The following PCGF3 variants were observed in gnomAD, a reference collection of about 807,000 sequenced individuals.
The protein encoded by PCGF3 is polycomb group RING finger protein 3.
In PCGF3, 7 loss-of-function variants were observed where a neutral mutation model predicts 33.1. The ratio of observed to expected loss-of-function variants is 0.21; its 90% CI spans 0.12 to 0.40. The LOEUF is 0.40. PCGF3 is among the 10% of genes least tolerant of loss of function. The pLI is 1.00. For synonymous variants in PCGF3, 153 were observed against 121.3 expected (o/e 1.26, Z -1.72); for missense variants, 211 against 313.3 (o/e 0.67, Z 2.46).
intron 1 of PCGF3, among the ~76,000 whole-genome samples, chr4:725,717 C>T (rs1743304272): frequency 6.6e-6 from 1 of 151,598 alleles, no homozygotes; most frequent in South Asian, 2.1e-4. Context: ...GCTGTGGGCT[C>T]TGTGCTGTGG....
At chr4:734,306 G>C (rs1743743106) in intron 4 of PCGF3, 1 of 1,446,244 alleles carries the variant, frequency 6.9e-7, no homozygotes, top group Admixed American at 2.8e-5. Flanking sequence ...ATGCTAACCT[G>C]AGGCCCCATG....
chr4:757,696 C>T (rs1744828693), intron 8 of PCGF3: 1 of 152,162 alleles, frequency 6.6e-6, no homozygotes, highest in Admixed American at 6.5e-5. Context: ...TTGGTTCCTG[C>T]TTTATTTTTT....
intron 1 of PCGF3, among the ~76,000 whole-genome samples, chr4:708,489 C>T (rs1045967624): frequency 2.0e-5 from 3 of 152,196 alleles, no homozygotes; most frequent in Admixed American, 6.5e-5. Flanking sequence ...TTCCATGAGA[C>T]CCTGGGCCAG....
In PCGF3 at chr4:720,139, C is replaced by T. The variant is rs1264569185; in HGVS notation, c.-189-10491C>T. 6.6e-6 allele frequency among the ~76,000 whole-genome samples: 1 copy of T among 152,208 alleles called. No individual in the cohort carries two copies. Among genetic ancestry groups the T allele is most frequent in the Non-Finnish European group, 1.5e-5 (1 of 68,026 alleles). On this transcript the variant is annotated intron_variant, in intron 1 of 10. Coordinates refer to ENST00000362003, the Ensembl canonical transcript of PCGF3. This position sits in a 1 kb window ranked among gnomAD's most constrained non-coding sequence, Gnocchi z 5.6. ...TTCCCTCCTGAGTGACAGCCCTGGA[C>T]GTGCTGTCGCCTCATGAGGACGCCG...
At chr4:723,250 C>T (rs1029580979) in intron 1 of PCGF3, among the ~76,000 whole-genome samples, 2 of 152,234 alleles carry the variant, frequency 1.3e-5, no homozygotes, top group South Asian at 2.1e-4. Context: ...AGGCTCCTAG[C>T]CGCTGCAGTT....
intron 1 of PCGF3, among the ~76,000 whole-genome samples, 168 bp from the exon 2 acceptor site, chr4:730,462 C>T (rs1743505882): frequency 6.6e-6 from 1 of 152,176 alleles, no homozygotes; most frequent in Non-Finnish European, 1.5e-5. Context: ...CCGAGACCAG[C>T]CCGTGTCTCC....
chr4:748,357 G>A (rs993498618), intron 8 of PCGF3, among the ~76,000 whole-genome samples: 4 of 152,032 alleles, frequency 2.6e-5, no homozygotes, highest in Admixed American at 1.3e-4. Flanking sequence ...CTGCCGCTCC[G>A]TCTGGTTAAC....
intron 5 of PCGF3, among the ~76,000 whole-genome samples, chr4:735,422 T>C (rs1394069715): frequency 1.3e-5 from 2 of 152,172 alleles, no homozygotes; most frequent in Non-Finnish European, 2.9e-5. Context: ...GGTGCATGCC[T>C]ATAATCCCAT....
intron 1 of PCGF3, among the ~76,000 whole-genome samples, chr4:727,552 T>C (rs1743383937): frequency 6.6e-6 from 1 of 152,164 alleles, no homozygotes; most frequent in Non-Finnish European, 1.5e-5. Context: ...GTTTTGTTTT[T>C]TTTAAATCAT....
chr4:763,376 G>A (rs566660486), intron 9 of PCGF3, among the ~76,000 whole-genome samples: 2 of 152,240 alleles, frequency 1.3e-5, no homozygotes, highest in Admixed American at 6.5e-5. Context: ...CCAGGGAAGA[G>A]TGTGAGGTTT....
At chr4:725,876 C>T (rs975943346) in intron 1 of PCGF3, among the ~76,000 whole-genome samples, 18 of 152,200 alleles carry the variant, frequency 1.2e-4, no homozygotes, top group Non-Finnish European at 2.6e-4. Context: ...CTGGAACCGC[C>T]TCAGTTTCCC....
chr4:711,505 C>T (rs1159535597), intron 1 of PCGF3, among the ~76,000 whole-genome samples: 2 of 137,336 alleles, frequency 1.5e-5, no homozygotes, highest in Non-Finnish European at 3.1e-5. Context: ...GGCCGGACTG[C>T]GGACTGCAGT....
chr4:765,995 C>G, intron 10 of PCGF3, 37 bp from the exon 11 acceptor site: 1 of 1,607,962 alleles, frequency 6.2e-7, no homozygotes, highest in Non-Finnish European at 8.5e-7. Flanking sequence ...GCCTCCACCC[C>G]TGCTAAGCAG....
intron 1 of PCGF3, among the ~76,000 whole-genome samples, chr4:726,773 G>C (rs1455019748): frequency 6.6e-6 from 1 of 151,936 alleles, no homozygotes; most frequent in Non-Finnish European, 1.5e-5. Context: ...TATGGTGTAT[G>C]TTTTTAATTC....
intron 6 of PCGF3, among the ~76,000 whole-genome samples, chr4:741,873 G>A (rs1292526183): frequency 2.0e-5 from 3 of 152,140 alleles, no homozygotes; most frequent in Non-Finnish European, 2.9e-5. Context: ...TCCTTTGCAC[G>A]GACCTATGTG....
intron 8 of PCGF3, among the ~76,000 whole-genome samples, chr4:753,015 A>C (rs1744595268): frequency 6.6e-6 from 1 of 152,186 alleles, no homozygotes; most frequent in African/African-American, 2.4e-5. Context: ...GATTAGCTCC[A>C]TTACCTGGAT....
rs997334592 is a variant in PCGF3 at position 731,078 on chromosome 4, G to A, written c.-42G>A. 1.8e-5 allele frequency: 7 copies of A among 398,526 alleles called. No homozygotes were observed. The South Asian group carries it at 8.9e-4, about 51-fold the overall frequency. The allele number at this position is 398,526 out of a possible 1,614,324, so 24.7% of individuals were successfully genotyped here. On this transcript the variant is annotated 5_prime_UTR_variant, in exon 3 of 11. Transcript: ENST00000362003. ...GCTGGCCTGAAGCCTCCATGCCCCG[G>A]CAGAGGGACGGACACGCGGACGTCT...
intron 1 of PCGF3, among the ~76,000 whole-genome samples, chr4:718,153 G>A (rs1226772869): frequency 6.6e-6 from 1 of 152,178 alleles, no homozygotes; most frequent in East Asian, 1.9e-4. Context: ...CCTGATGGAC[G>A]TGCCGGCCGC....
At chr4:733,095 C>G (rs1397897790) in intron 3 of PCGF3, among the ~76,000 whole-genome samples, 5 of 86,896 alleles carry the variant, frequency 5.8e-5, no homozygotes, top group African/African-American at 3.0e-4. Flanking sequence ...GCTGCCTCCG[C>G]CCCTGCCCCG....
Sources: allele counts gnomAD v4.1 joint callset (sites outside exome capture counted in the v4.1 genomes callset), GRCh38; gene constraint gnomAD v4.1.1; non-coding constraint Gnocchi (gnomAD v3.1); transcripts MANE v1.5; gene names NCBI Gene and HGNC (gene_info 2026-07-23, HGNC 2026-07-21).